The following ZIM2 variants were observed in gnomAD, a reference collection of about 807,000 sequenced individuals.
The protein encoded by ZIM2 is zinc finger imprinted 2.
A neutral mutation model predicts 38.6 loss-of-function variants in ZIM2; 14 were observed. That is an observed-to-expected ratio of 0.36 (90% CI 0.24 to 0.57). The LOEUF is 0.57. Among genes scored for constraint, ZIM2 ranks in the 20% least tolerant of loss-of-function variants. The pLI, the probability that ZIM2 is intolerant of heterozygous loss-of-function variation, is 0.81. For synonymous variants in ZIM2, 247 were observed against 245.8 expected (o/e 1.00, Z -0.04); for missense variants, 680 against 695.1 (o/e 0.98, Z 0.24).
intron 9 of ZIM2, chr19:56,816,462 T>C (rs760855149): frequency 1.2e-6 from 2 of 1,613,674 alleles, no homozygotes; most frequent in Non-Finnish European, 1.7e-6. Context: ...CCTCACACAC[T>C]TTACCCTTGT....
intron 2 of ZIM2, among the ~76,000 whole-genome samples, chr19:56,827,667 T>G (rs1160204473): frequency 1.3e-5 from 2 of 152,218 alleles, no homozygotes; most frequent in African/African-American, 4.8e-5. Flanking sequence ...TGTAATGACC[T>G]ATGTGCAAGA....
At chr19:56,820,879 A>T (rs1227300293) in intron 7 of ZIM2, among the ~76,000 whole-genome samples, 1 of 152,160 alleles carries the variant, frequency 6.6e-6, no homozygotes, top group Admixed American at 6.5e-5. Flanking sequence ...CTGATATGTG[A>T]AGGAAAGGAA....
chr19:56,824,187 G>C (rs373037041), intron 4 of ZIM2, 75 bp downstream of exon 4: 9 of 1,560,638 alleles, frequency 5.8e-6, no homozygotes, highest in Non-Finnish European at 6.9e-6. Flanking sequence ...GACCATGTCA[G>C]AAGTGTGGAG....
At position 56,782,080 on chromosome 19, in the gene ZIM2, C is replaced by G. The variant is rs750851748; in HGVS notation, c.612G>C (p.Glu204Asp). 9 of 1,613,998 alleles carry G rather than the reference C, an allele frequency of 5.6e-6. No individual in the cohort carries two copies. The highest frequency in any genetic ancestry group is 2.5e-6 in the Non-Finnish European group (3 of 1,179,888). Residue 204 changes from glutamate (E) to aspartate (D), a missense_variant, in exon 11 of 13, where the codon GAG becomes GAC. Coordinates refer to ENST00000629319, the MANE Select transcript of ZIM2 (RefSeq NM_001387356.1). ...FKHLGTFLVF[E>D]ELVTFEDVLV... The stretch of plus-strand genomic sequence containing the variant: ...GCACATCCTCGAAGGTCACCAACTC[C>G]TCAAACACCAGAAATGTTCCTAAGT...
intron 9 of ZIM2, among the ~76,000 whole-genome samples, chr19:56,805,530 A>G (rs933990949): frequency 1.3e-5 from 2 of 152,190 alleles, no homozygotes; most frequent in African/African-American, 4.8e-5. Context: ...GGGAAACCAG[A>G]AAGTATTCAG....
intron 12 of ZIM2, among the ~76,000 whole-genome samples, 187 bp downstream of exon 12, chr19:56,779,190 G>A (rs1187686787): frequency 6.6e-6 from 1 of 152,104 alleles, no homozygotes; most frequent in African/African-American, 2.4e-5. Flanking sequence ...TGGCCTCCCT[G>A]GAGCTAAGCA....
chr19:56,814,171 C>T lies in ZIM2; in HGVS notation c.490+3575G>A, dbSNP rs941959021. The T allele has an allele frequency of 6.2e-7, 1 of 1,613,542 alleles. No homozygotes were observed. The highest frequency in any genetic ancestry group is 8.5e-7 in the Non-Finnish European group (1 of 1,179,884). ...GGGCTCTGCAGCCTCTCCATCTGGC[C>T]CTTCAGCCTCTCCGTTTGGCTCAGC... On this transcript the variant is annotated intron_variant, in intron 9 of 12. Coordinates refer to ENST00000629319, the MANE Select transcript of ZIM2 (RefSeq NM_001387356.1). The surrounding 1 kb of genome is among the most constrained non-coding windows in gnomAD (Gnocchi z 5.8).
At chr19:56,818,452 C>G in intron 8 of ZIM2, 148 bp downstream of exon 8, 1 of 836,152 alleles carries the variant, frequency 1.2e-6, no homozygotes, top group Non-Finnish European at 1.8e-6. Flanking sequence ...ATCATTTACT[C>G]CCTCATTTGA....
chr19:56,827,812 C>T (rs755644083), intron 2 of ZIM2, among the ~76,000 whole-genome samples: 3 of 151,938 alleles, frequency 2.0e-5, no homozygotes, highest in Non-Finnish European at 2.9e-5. Flanking sequence ...AGTGCAAAAC[C>T]GGACACAGCA....
chr19:56,800,609 GAGAA>G (rs143462093), intron 9 of ZIM2, among the ~76,000 whole-genome samples: 79 of 152,164 alleles, frequency 5.2e-4, no homozygotes, highest in African/African-American at 1.6e-3. Flanking sequence ...AAGTAAGAGA[GAGAA>G]AGAGAGAAAA....
At chr19:56,831,113 G>T (rs1213823040) in intron 2 of ZIM2, among the ~76,000 whole-genome samples, 2 of 152,068 alleles carry the variant, frequency 1.3e-5, no homozygotes, top group African/African-American at 4.8e-5. Context: ...AGAATATCAA[G>T]ACAACCCTGC....
intron 9 of ZIM2, among the ~76,000 whole-genome samples, chr19:56,806,229 C>T (rs777142242): frequency 1.5e-4 from 23 of 152,154 alleles, no homozygotes; most frequent in Non-Finnish European, 2.2e-4. Context: ...TAATGAAGAG[C>T]CCCCAATTAA....
chr19:56,834,398 T>C lies in ZIM2; in HGVS notation c.-227+1620A>G, dbSNP rs370438331. On this transcript the variant is annotated intron_variant, in intron 2 of 12. Coordinates refer to ENST00000629319, the MANE Select transcript of ZIM2 (RefSeq NM_001387356.1). ...CTATTAAAGCTCACCCACATCCTCT[T>C]GGTTCTGATTCCGTACTCACCAAGC... is the stretch of plus-strand genomic sequence containing the variant. Among the ~76,000 whole-genome samples, 7 of 152,292 alleles carry C rather than the reference T, an allele frequency of 4.6e-5. No individual in the cohort carries two copies. In the South Asian group the frequency reaches 1.5e-3, roughly 32 times the overall value.
chr19:56,793,670 G>T (rs139959898), intron 9 of ZIM2, among the ~76,000 whole-genome samples: 1 of 152,248 alleles, frequency 6.6e-6, no homozygotes, highest in East Asian at 1.9e-4. Context: ...ATAACACTAT[G>T]CACCCTCCAA....
chr19:56,795,928 TAA>T (rs1321548901), intron 9 of ZIM2, among the ~76,000 whole-genome samples: 1 of 152,208 alleles, frequency 6.6e-6, no homozygotes, highest in Non-Finnish European at 1.5e-5. Flanking sequence ...AACTTGAGGA[TAA>T]GTGGTAAAAA....
intron 2 of ZIM2, among the ~76,000 whole-genome samples, chr19:56,826,829 C>G (rs994387965): frequency 3.3e-5 from 5 of 152,282 alleles, no homozygotes; most frequent in African/African-American, 9.6e-5. Flanking sequence ...ATCTGAGGCA[C>G]AGAGAGATAA....
chr19:56,811,370 G>C, intron 9 of ZIM2: 1 of 879,692 alleles, frequency 1.1e-6, no homozygotes, highest in Non-Finnish European at 1.4e-6. Flanking sequence ...AGTTATAACT[G>C]TAGTATAAAT....
chr19:56,817,149 C>G, intron 9 of ZIM2: 1 of 1,614,172 alleles, frequency 6.2e-7, no homozygotes, highest in Non-Finnish European at 8.5e-7. Context: ...TGAGGCTGCT[C>G]AGGCTGCTCA....
chr19:56,837,282 C>T (rs889432467), intron 1 of ZIM2, among the ~76,000 whole-genome samples: 1 of 152,080 alleles, frequency 6.6e-6, no homozygotes, highest in Non-Finnish European at 1.5e-5. Flanking sequence ...CCCAGGGCAG[C>T]CTCCTAGTTC....
Sources: allele counts gnomAD v4.1 joint callset (sites outside exome capture counted in the v4.1 genomes callset), GRCh38; gene constraint gnomAD v4.1.1; non-coding constraint Gnocchi (gnomAD v3.1); transcripts MANE v1.5; gene names NCBI Gene and HGNC (gene_info 2026-07-23, HGNC 2026-07-21).